The following RAE1 variants were observed in gnomAD, a reference collection of about 807,000 sequenced individuals.
RAE1 encodes ribonucleic acid export 1, also known as mRNA export factor RAE1.
RAE1 carries 13 observed loss-of-function variants against 52.7 expected under a neutral mutation model. The observed-to-expected ratio is 0.25, with a 90% CI of 0.16 to 0.39. The LOEUF is 0.39. RAE1 is among the 10% of genes least tolerant of loss of function. RAE1 has a pLI of 1.00. For missense variants in RAE1, 262 were observed against 459.8 expected (o/e 0.57, Z 3.93); for synonymous variants, 164 against 153.1 (o/e 1.07, Z -0.52).
Position 57,379,179 on chromosome 20 carries a change from A to T in RAE1, c.*1080A>T, listed in dbSNP as rs2067153097. The stretch of plus-strand genomic sequence containing the variant: ...TTGCCTACTCATAAAAAACAATGAA[A>T]ATAAAATTTTCTACTGGAAGAGACC... On this transcript the variant is annotated 3_prime_UTR_variant, in exon 12 of 12. Coordinates refer to ENST00000395841, the MANE Select transcript of RAE1 (RefSeq NM_003610.4). 6.6e-6 allele frequency: 1 copy of T among 152,136 alleles called. No homozygotes were observed. Among genetic ancestry groups the T allele is most frequent in the Non-Finnish European group, 1.5e-5 (1 of 68,016 alleles). The allele number at this position is 152,136 out of a possible 1,614,324, so 9.4% of individuals were successfully genotyped here. A position where few individuals can be genotyped will look rare whatever the true frequency, so the allele number is the denominator to read the frequency against.
At chr20:57,352,418 G>T (rs969439466) in intron 1 of RAE1, among the ~76,000 whole-genome samples, 2 of 152,188 alleles carry the variant, frequency 1.3e-5, no homozygotes, top group Non-Finnish European at 2.9e-5. Flanking sequence ...GTGTTCAGCG[G>T]AGAAAGGAAG....
chr20:57,364,069 G>A (rs572782059), intron 4 of RAE1, among the ~76,000 whole-genome samples: 3 of 152,280 alleles, frequency 2.0e-5, no homozygotes, highest in South Asian at 2.1e-4. Flanking sequence ...GGAGCTACCC[G>A]GGAGAGAAAG....
intron 2 of RAE1, among the ~76,000 whole-genome samples, 157 bp downstream of exon 2, chr20:57,354,285 T>C (rs888465515): frequency 2.0e-5 from 3 of 152,242 alleles, no homozygotes. Context: ...ACAGAAAATG[T>C]GTCCCCGTAC....
In RAE1 at chr20:57,365,426, C is replaced by T. The variant is rs934233858; in HGVS notation, c.359C>T (p.Ala120Val). 5.0e-6 allele frequency: 8 copies of T among 1,606,244 alleles called. No homozygotes were observed. Among genetic ancestry groups the T allele is most frequent in the East Asian group, 4.5e-5 (2 of 44,564 alleles). ...ATGTGGGACCTCAGCAGTAACCAAG[C>T]GATACAGATCGCACAGGTAACAGAA... ...AKMWDLSSNQAIQIAQHDAPV... is the reference protein window; with the variant it reads ...AKMWDLSSNQVIQIAQHDAPV... The change falls in exon 5 of 12, where the codon GCG becomes GTG. Residue 120 changes from alanine to valine, a missense_variant. Coordinates refer to ENST00000395841, the MANE Select transcript of RAE1 (RefSeq NM_003610.4).
At chr20:57,356,774 T>A (rs2066794247) in intron 4 of RAE1, among the ~76,000 whole-genome samples, 1 of 152,184 alleles carries the variant, frequency 6.6e-6, no homozygotes, top group African/African-American at 2.4e-5. Context: ...GTTTAATGAT[T>A]AAGGGATAAT....
At chr20:57,353,979 T>A in intron 1 of RAE1, 53 bp from the exon 2 acceptor site, 1 of 1,464,880 alleles carries the variant, frequency 6.8e-7, no homozygotes, top group South Asian at 1.2e-5. Flanking sequence ...TACCATTGCC[T>A]CTCAGTGATA....
chr20:57,365,766 C>T (rs945511884), intron 5 of RAE1, among the ~76,000 whole-genome samples: 2 of 152,178 alleles, frequency 1.3e-5, no homozygotes, highest in African/African-American at 4.8e-5. Flanking sequence ...GTTGTGACCT[C>T]GTGCATGGCT....
chr20:57,355,526 A>C (rs2066772711), intron 3 of RAE1, among the ~76,000 whole-genome samples: 1 of 152,220 alleles, frequency 6.6e-6, no homozygotes, highest in Non-Finnish European at 1.5e-5. Flanking sequence ...AAAATCCTTC[A>C]GCTTATACCC....
Position 57,374,631 on chromosome 20 carries a change from G to A in RAE1, c.850G>A (p.Val284Ile), listed in dbSNP as rs746150963. 21 of 1,613,864 alleles carry A rather than the reference G, an allele frequency of 1.3e-5. No individual in the cohort carries two copies. In the South Asian group the frequency reaches 2.1e-4, roughly 16 times the overall value. Residue 284 changes from valine to isoleucine, a missense_variant, in exon 11 of 12, where the codon GTT becomes ATT. Transcript: ENST00000395841. Reference protein sequence around the residue: ...YAVNGIAFHPVHGTLATVGSD... With the variant: ...YAVNGIAFHPIHGTLATVGSD... ...GGTAAATGGAATCGCGTTCCATCCT[G>A]TTCATGGCACCCTTGCAACTGTGGG...
At chr20:57,374,889 T>A in intron 11 of RAE1, 88 bp downstream of exon 11, 1 of 1,435,166 alleles carries the variant, frequency 7.0e-7, no homozygotes. Flanking sequence ...TTGTGACTCT[T>A]CTCAGGACTC....
intron 4 of RAE1, among the ~76,000 whole-genome samples, chr20:57,360,718 T>A (rs1424296601): frequency 6.6e-6 from 1 of 152,246 alleles, no homozygotes; most frequent in Non-Finnish European, 1.5e-5. Context: ...TCTATTAGCT[T>A]GGGTTAACTG....
intron 8 of RAE1, among the ~76,000 whole-genome samples, chr20:57,370,443 C>T (rs2067019853): frequency 6.6e-6 from 1 of 152,328 alleles, no homozygotes; most frequent in Admixed American, 6.5e-5. Context: ...AGACATCTCC[C>T]TAAGCCGCTG....
At chr20:57,357,411 T>C (rs947872761) in intron 4 of RAE1, 2 of 152,248 alleles carry the variant, frequency 1.3e-5, no homozygotes, top group Non-Finnish European at 2.9e-5. Flanking sequence ...GTGATTGTTT[T>C]GTCAGATATA....
At position 57,365,281 on chromosome 20, in the gene RAE1, C is replaced by T. The variant is rs567444940; in HGVS notation, c.289-75C>T. 4.6e-5 allele frequency: 49 copies of T among 1,076,444 alleles called. 1 individual carries two copies. The highest frequency in any genetic ancestry group is 2.3e-4 in the African/African-American group (14 of 61,750). 66.7% of individuals were successfully genotyped at this position (1,076,444 alleles called of 1,614,324 possible). On this transcript the variant is annotated intron_variant, in intron 4 of 11. Coordinates refer to ENST00000395841, the MANE Select transcript of RAE1 (RefSeq NM_003610.4). ...CCAAAGTTTGCCTCAATATGTTCAA[C>T]GTAGTATCTAAATATATATATAGTT...
chr20:57,373,215 C>T (rs1156436299), intron 8 of RAE1: 5 of 481,344 alleles, frequency 1.0e-5, no homozygotes, highest in East Asian at 3.9e-5. Flanking sequence ...CTGGCGTGAA[C>T]GCGGCCTTGC....
chr20:57,355,604 TA>T (rs2066773978), intron 3 of RAE1, among the ~76,000 whole-genome samples: 1 of 152,226 alleles, frequency 6.6e-6, no homozygotes, highest in South Asian at 2.1e-4. Context: ...CTGCATTATC[TA>T]AATTAACCTT....
chr20:57,377,635 C>T (rs769304428), intron 11 of RAE1, among the ~76,000 whole-genome samples: 5 of 152,154 alleles, frequency 3.3e-5, no homozygotes, highest in Admixed American at 1.3e-4. Context: ...CATGATACCC[C>T]GCAGGTCAGA....
At chr20:57,375,907 C>T (rs971112809) in intron 11 of RAE1, among the ~76,000 whole-genome samples, 3 of 152,360 alleles carry the variant, frequency 2.0e-5, no homozygotes, top group Admixed American at 6.5e-5. Flanking sequence ...TGTCCTCCTG[C>T]CAGCTCCTGT....
chr20:57,377,794 A>G (rs2067137752), intron 11 of RAE1, among the ~76,000 whole-genome samples: 1 of 152,198 alleles, frequency 6.6e-6, no homozygotes, highest in African/African-American at 2.4e-5. Flanking sequence ...AGACTCTCTC[A>G]GTAGGACATT....
Sources: gnomAD v4.1 joint callset for allele counts (sites outside exome capture counted in the v4.1 genomes callset) on GRCh38, gnomAD v4.1.1 for gene constraint, MANE v1.5 for transcripts, NCBI Gene and HGNC (gene_info 2026-07-23, HGNC 2026-07-21) for gene names.